Variants in WSCD1 observed in about 807,000 individuals in gnomAD.
WSCD1 encodes WSC domain sialate O sulfotransferase 1.
A neutral mutation model predicts 60.4 loss-of-function variants in WSCD1; 41 were observed. That is an observed-to-expected ratio of 0.68 (90% confidence interval 0.53 to 0.88). The LOEUF is 0.88. WSCD1 is among the 40% of genes least tolerant of loss of function. The pLI is 0.00. For synonymous variants in WSCD1, 361 were observed against 332.5 expected (o/e 1.09, Z -0.93); for missense variants, 784 against 796.2 (o/e 0.98, Z 0.18).
chr17:6,105,727 G>C (rs1292213453), intron 5 of WSCD1, among the ~76,000 whole-genome samples: 1 of 152,218 alleles, frequency 6.6e-6, no homozygotes, highest in East Asian at 1.9e-4. Flanking sequence ...TGGGATATAA[G>C]ATTGTGGGGC....
intron 1 of WSCD1, among the ~76,000 whole-genome samples, chr17:6,073,117 T>G (rs569041499): frequency 6.6e-6 from 1 of 152,252 alleles, no homozygotes; most frequent in African/African-American, 2.4e-5. Flanking sequence ...TGTCTTGGCC[T>G]CTCTCCCATA....
In WSCD1 at chr17:6,118,050, A is replaced by G; in HGVS notation, c.1237A>G (p.Ser413Gly). 1 of 1,614,178 alleles carries G rather than the reference A, an allele frequency of 6.2e-7. No homozygotes were observed. Among genetic ancestry groups the G allele is most frequent in the East Asian group, 2.2e-5 (1 of 44,878 alleles). Residue 413 changes from serine (S) to glycine (G), a missense_variant, in exon 8 of 9, where the codon AGT becomes GGT. Coordinates refer to ENST00000317744, the MANE Select transcript of WSCD1 (RefSeq NM_015253.2). The surrounding 1 kb of genome is among the most constrained non-coding windows in gnomAD (Gnocchi z 5.8). ...CACCATCTGTGTCAAAACCCACGAG[A>G]GTGGCAGGAGGGAGATTGAGATGTT... The part of the protein sequence containing the change: ...RRTICVKTHE[S>G]GRREIEMFDS...
At chr17:6,084,995 T>G (rs1909536106) in intron 2 of WSCD1, 1 of 152,218 alleles carries the variant, frequency 6.6e-6, no homozygotes, top group Non-Finnish European at 1.5e-5. Context: ...CTCCATCAAA[T>G]GGCCAGCTGG....
In WSCD1 at chr17:6,120,388, G is replaced by T. The variant is rs1172910251; in HGVS notation, c.1455G>T (p.Leu485=). 2 of 1,614,080 alleles carry T rather than the reference G, an allele frequency of 1.2e-6. No individual in the cohort carries two copies. Among genetic ancestry groups the T allele is most frequent in the Non-Finnish European group, 8.5e-7 (1 of 1,180,032 alleles). Residue 485 remains leucine, a synonymous_variant, in exon 9 of 9, where the codon CTG becomes CTT. Transcript: ENST00000317744. The part of the protein sequence containing the change: ...VLDWLKYGKR[L]LVVHYEELRR... ...ACTGGCTCAAGTACGGGAAGCGGCT[G>T]CTGGTGGTGCACTACGAGGAGCTGC...
chr17:6,093,657 A>G (rs1339080032), intron 4 of WSCD1, among the ~76,000 whole-genome samples: 1 of 152,180 alleles, frequency 6.6e-6, no homozygotes, highest in Non-Finnish European at 1.5e-5. Context: ...ACCACCCTCG[A>G]CCTTGACACC....
At chr17:6,079,211 G>A (rs1032483027) in intron 1 of WSCD1, among the ~76,000 whole-genome samples, 5 of 152,196 alleles carry the variant, frequency 3.3e-5, no homozygotes, top group Admixed American at 1.3e-4. Flanking sequence ...TCTCACACCC[G>A]CTGTCTGTCC....
intron 2 of WSCD1, among the ~76,000 whole-genome samples, chr17:6,086,566 C>G (rs569328050): frequency 2.6e-5 from 4 of 152,116 alleles, no homozygotes; most frequent in Admixed American, 2.0e-4. Flanking sequence ...GTTGACCAGG[C>G]TGGTCTCGAA....
chr17:6,106,655 C>A (rs1911100834), intron 5 of WSCD1, among the ~76,000 whole-genome samples: 1 of 152,092 alleles, frequency 6.6e-6, no homozygotes, highest in Non-Finnish European at 1.5e-5. Context: ...CGATGTGCTG[C>A]CTGTCTTGAT....
intron 2 of WSCD1, among the ~76,000 whole-genome samples, chr17:6,084,324 A>G (rs1909480588): frequency 6.6e-6 from 1 of 152,260 alleles, no homozygotes; most frequent in Non-Finnish European, 1.5e-5. Flanking sequence ...GGGGGAAGGC[A>G]GGGTGCTGGC....
At chr17:6,117,960 A>C (rs767043836) in intron 7 of WSCD1, 28 bp from the exon 8 acceptor site, 5 of 1,611,368 alleles carry the variant, frequency 3.1e-6, no homozygotes, top group Non-Finnish European at 3.4e-6. Flanking sequence ...ACCATCTTCC[A>C]CAGAGACCCT....
At chr17:6,077,837 A>G (rs557411654) in intron 1 of WSCD1, 24 of 152,302 alleles carry the variant, frequency 1.6e-4, no homozygotes, top group Admixed American at 4.6e-4. Context: ...CTTCAGTTAT[A>G]CAGGATTAAT....
intron 2 of WSCD1, 126 bp from the exon 3 acceptor site, chr17:6,087,864 G>C: frequency 1.5e-6 from 1 of 682,712 alleles, no homozygotes; most frequent in Non-Finnish European, 2.5e-6. Flanking sequence ...GTAGCCTGCA[G>C]CACTCATCTC....
Position 6,120,675 on chromosome 17 carries a change from C to G in WSCD1, c.*14C>G. The G allele has an allele frequency of 1.3e-6, 2 of 1,594,592 alleles. No homozygotes were observed. Among genetic ancestry groups the G allele is most frequent in the Non-Finnish European group, 1.7e-6 (2 of 1,168,670 alleles). ...GTGCCCAGATGATAGGCCTGGCCCA[C>G]GCCGCCGCCCCCGCTGAGTGACGCA... On this transcript the variant is annotated 3_prime_UTR_variant, in exon 9 of 9. Coordinates refer to ENST00000317744, the MANE Select transcript of WSCD1 (RefSeq NM_015253.2).
intron 2 of WSCD1, among the ~76,000 whole-genome samples, chr17:6,087,006 T>G (rs912767006): frequency 2.6e-5 from 4 of 152,178 alleles, no homozygotes; most frequent in African/African-American, 9.6e-5. Context: ...AACGCGGCCC[T>G]TCCTGGGGAG....
At chr17:6,097,833 C>T (rs1028590608) in intron 5 of WSCD1, among the ~76,000 whole-genome samples, 4 of 152,196 alleles carry the variant, frequency 2.6e-5, no homozygotes, top group Admixed American at 2.0e-4. Flanking sequence ...GGAGGCAAGG[C>T]ACCCTCGTAA....
intron 5 of WSCD1, among the ~76,000 whole-genome samples, chr17:6,105,107 G>A (rs2150560933): frequency 6.6e-6 from 1 of 152,324 alleles, no homozygotes; most frequent in Admixed American, 6.5e-5. Context: ...CCTCCCGCAT[G>A]TGGATCCCCG....
intron 5 of WSCD1, among the ~76,000 whole-genome samples, chr17:6,104,433 C>T (rs746383403): frequency 1.3e-5 from 2 of 152,202 alleles, no homozygotes; most frequent in African/African-American, 2.4e-5. Flanking sequence ...TGCTCGTTGG[C>T]AGTCCATGGA....
chr17:6,109,156 AG>A (rs1911263705), intron 5 of WSCD1, among the ~76,000 whole-genome samples: 1 of 152,138 alleles, frequency 6.6e-6, no homozygotes, highest in South Asian at 2.1e-4. Context: ...GGATGCCCTA[AG>A]TCAGCTGATC....
chr17:6,097,959 T>G (rs1837844901), intron 5 of WSCD1, among the ~76,000 whole-genome samples: 1 of 151,816 alleles, frequency 6.6e-6, no homozygotes, highest in Admixed American at 6.6e-5. Flanking sequence ...TTTCTTTTTT[T>G]TTTTTTTTTG....
Sources: gnomAD v4.1 joint callset for allele counts (sites outside exome capture counted in the v4.1 genomes callset) on GRCh38, gnomAD v4.1.1 for gene constraint, Gnocchi (gnomAD v3.1) non-coding constraint, MANE v1.5 for transcripts, NCBI Gene and HGNC (gene_info 2026-07-23, HGNC 2026-07-21) for gene names.